RGSL1: variants seen among roughly 807,000 people sequenced by gnomAD.
RGSL1 encodes the protein regulator of G protein signaling protein-like.
RGSL1 carries 97 observed loss-of-function variants against 124.7 expected under a neutral mutation model. That is an observed-to-expected ratio of 0.78 (90% CI 0.66 to 0.92). The LOEUF is 0.92. RGSL1 is among the 40% of genes least tolerant of loss of function. RGSL1 has a pLI of 0.00. For synonymous variants in RGSL1, 424 were observed against 438.1 expected, an observed-to-expected ratio of 0.97 and a Z score of 0.40; for missense variants, 1,233 against 1,288.4, an observed-to-expected ratio of 0.96 and a Z score of 0.66.
At chr1:182,475,052 A>G (rs901694745) in intron 6 of RGSL1, among the ~76,000 whole-genome samples, 8 of 152,210 alleles carry the variant, frequency 5.3e-5, no homozygotes, top group Non-Finnish European at 1.2e-4. Context: ...CGTCCCCCAA[A>G]TCAGCCAAAA....
intron 4 of RGSL1, chr1:182,471,172 A>G (rs558385578): frequency 1.7e-5 from 7 of 420,340 alleles, no homozygotes; most frequent in African/African-American, 1.0e-4. Context: ...ACTGGTCACA[A>G]TTTGTCCTCA....
chr1:182,518,805 T>G (rs1571635160), intron 9 of RGSL1, among the ~76,000 whole-genome samples: 1 of 151,280 alleles, frequency 6.6e-6, no homozygotes, highest in Non-Finnish European at 1.5e-5. Flanking sequence ...GGGAACTGTC[T>G]CATATTATAT....
intron 16 of RGSL1, 53 bp downstream of exon 16, chr1:182,548,508 A>G: frequency 6.5e-7 from 1 of 1,546,162 alleles, no homozygotes; most frequent in Non-Finnish European, 8.7e-7. Context: ...CATTTCCCCC[A>G]CAAGGACAAT....
chr1:182,475,500 C>T (rs775658547), intron 6 of RGSL1, among the ~76,000 whole-genome samples: 14 of 152,134 alleles, frequency 9.2e-5, no homozygotes, highest in Non-Finnish European at 5.9e-5. Flanking sequence ...GGCAGGGCAC[C>T]TTTGTCATTC....
chr1:182,450,084 G>A (rs1459774998), upstream of RGSL1: 9 of 1,495,194 alleles, frequency 6.0e-6, no homozygotes, highest in South Asian at 4.8e-5. Context: ...GTGTCATTAC[G>A]TGTTCACAAT....
intron 9 of RGSL1, among the ~76,000 whole-genome samples, chr1:182,497,283 ATG>A (rs1331492956): frequency 2.0e-5 from 3 of 148,084 alleles, no homozygotes; most frequent in Non-Finnish European, 4.5e-5. Flanking sequence ...GTGTGTGTGC[ATG>A]TGTGTGTGTG....
chr1:182,538,140 A>G (rs911905295), intron 14 of RGSL1, among the ~76,000 whole-genome samples: 2 of 152,150 alleles, frequency 1.3e-5, no homozygotes, highest in Non-Finnish European at 2.9e-5. Flanking sequence ...AACTGTTTCA[A>G]TATATTTTGT....
At chr1:182,498,792 G>GTT in intron 9 of RGSL1, among the ~76,000 whole-genome samples, 1 of 44,836 alleles carries the variant, frequency 2.2e-5, no homozygotes, top group African/African-American at 7.9e-5. Context: ...TTTTTCCTTT[G>GTT]TTTGTTTGTT....
rs763264822 is a variant in RGSL1 at position 182,530,393 on chromosome 1, C to T, written c.2243+32C>T. The T allele has an allele frequency of 1.6e-5, 24 of 1,504,138 alleles. No individual in the cohort carries two copies. In the African/African-American group the frequency reaches 3.2e-4, roughly 20 times the overall value. The allele number at this position is 1,504,138 out of a possible 1,614,324, so 93.2% of individuals were successfully genotyped here. A position where few individuals can be genotyped will look rare whatever the true frequency, so the allele number is the denominator to read the frequency against. On this transcript the variant is annotated intron_variant, in intron 12 of 21. Transcript: ENST00000294854. ...ATACTCAATTAAGGAAAGGATTCTT[C>T]CTGGAGTTGCTCCTTGGCTTCTGAA...
chr1:182,503,929 A>G (rs1159076722), intron 9 of RGSL1, among the ~76,000 whole-genome samples: 3 of 148,888 alleles, frequency 2.0e-5, no homozygotes, highest in Admixed American at 6.7e-5. Context: ...CAAAGTTATC[A>G]TGCTTTTCAG....
chr1:182,511,946 T>A (rs929809940), intron 9 of RGSL1, among the ~76,000 whole-genome samples: 1 of 152,170 alleles, frequency 6.6e-6, no homozygotes, highest in Non-Finnish European at 1.5e-5. Flanking sequence ...CTTGTATAGA[T>A]CTTTCACTTC....
At chr1:182,500,722 A>T (rs1411471038) in intron 9 of RGSL1, among the ~76,000 whole-genome samples, 2 of 152,184 alleles carry the variant, frequency 1.3e-5, no homozygotes, top group African/African-American at 4.8e-5. Flanking sequence ...TCATGATTAC[A>T]TTTATAAGTA....
chr1:182,538,780 G>A (rs1421872996), intron 14 of RGSL1, among the ~76,000 whole-genome samples: 1 of 151,984 alleles, frequency 6.6e-6, no homozygotes. Context: ...CTGTGTCCTA[G>A]GCACCTCCCT....
chr1:182,523,287 C>G (rs1658493554), intron 10 of RGSL1, among the ~76,000 whole-genome samples: 1 of 151,732 alleles, frequency 6.6e-6, no homozygotes, highest in Non-Finnish European at 1.5e-5. Context: ...GTGATCCTCC[C>G]ACCTTAACCT....
At chr1:182,527,214 T>C (rs1658810934) in intron 10 of RGSL1, among the ~76,000 whole-genome samples, 1 of 152,124 alleles carries the variant, frequency 6.6e-6, no homozygotes, top group African/African-American at 2.4e-5. Flanking sequence ...AAAGGAAATT[T>C]AGAAACATTA....
chr1:182,513,897 C>CT (rs35152167), intron 9 of RGSL1, among the ~76,000 whole-genome samples: 85,490 of 138,792 alleles, frequency 0.62, 26,766 homozygotes, highest in Non-Finnish European at 0.68. Flanking sequence ...CTCTCCCTAT[C>CT]TTTTTTTTTT....
chr1:182,498,837 G>A (rs1571577300), intron 9 of RGSL1, among the ~76,000 whole-genome samples: 1 of 147,284 alleles, frequency 6.8e-6, no homozygotes, highest in African/African-American at 2.5e-5. Context: ...TTGTTGCCCA[G>A]CCCGGAGTGC....
At chr1:182,542,336 C>G (rs567107611) in intron 15 of RGSL1, among the ~76,000 whole-genome samples, 2 of 152,092 alleles carry the variant, frequency 1.3e-5, no homozygotes, top group Non-Finnish European at 2.9e-5. Flanking sequence ...TCCCCCATTG[C>G]GCATTCTTGC....
chr1:182,497,252 T>A (rs1398161047), intron 9 of RGSL1, among the ~76,000 whole-genome samples: 2 of 149,702 alleles, frequency 1.3e-5, no homozygotes, highest in Non-Finnish European at 1.5e-5. Context: ...GATAGATAGA[T>A]AATAGACTGT....
Sources: allele counts gnomAD v4.1 joint callset (sites outside exome capture counted in the v4.1 genomes callset), GRCh38; gene constraint gnomAD v4.1.1; transcripts MANE v1.5; gene names NCBI Gene and HGNC (gene_info 2026-07-23, HGNC 2026-07-21).